Variants in PRKAR1A observed in about 807,000 individuals in gnomAD.
The protein encoded by PRKAR1A is cAMP-dependent protein kinase type I-alpha regulatory subunit.
In PRKAR1A, 3 loss-of-function variants were observed where a neutral mutation model predicts 52.0. The observed-to-expected ratio is 0.06, with a 90% CI of 0.03 to 0.15. The LOEUF (loss-of-function observed/expected upper bound fraction) is 0.15, where lower values mean the gene tolerates loss of function less well. PRKAR1A is among the 10% of genes least tolerant of loss of function. The probability of loss-of-function intolerance (pLI) is 1.00; values close to 1 mark genes in which losing one functional copy is unlikely to be tolerated. For missense variants in PRKAR1A, 240 were observed against 477.4 expected (o/e 0.50, Z 4.63); for synonymous variants, 188 against 168.4 (o/e 1.12, Z -0.90).
At chr17:68,500,840 A>G in the PRKAR1A span, among the ~76,000 whole-genome samples, 3 of 152,260 alleles carry the variant, frequency 2.0e-5, no homozygotes, top group East Asian at 5.8e-4. Flanking sequence ...TATCAGCAGC[A>G]TGAAAATGGA....
At chr17:68,524,789 TTG>T in intron 5 of PRKAR1A, 121 bp from the exon 6 acceptor site, 2 of 769,476 alleles carry the variant, frequency 2.6e-6, no homozygotes, top group Admixed American at 2.1e-5. Context: ...CCCTGAAAGA[TTG>T]TGTTAGTTTG....
downstream of PRKAR1A, among the ~76,000 whole-genome samples, chr17:68,538,147 G>A (rs2086150113): frequency 6.6e-6 from 1 of 152,196 alleles, no homozygotes; most frequent in Non-Finnish European, 1.5e-5. Flanking sequence ...AGTACTGCCA[G>A]CCTTTAAGTT....
intron 7 of PRKAR1A, 171 bp from the exon 8 acceptor site, chr17:68,527,669 C>T (rs2085833022): frequency 1.7e-6 from 1 of 587,416 alleles, no homozygotes; most frequent in South Asian, 2.0e-5. Flanking sequence ...TCATTCATTA[C>T]CTGTAAAATA....
the PRKAR1A span, among the ~76,000 whole-genome samples, chr17:68,445,109 G>A: frequency 7.2e-5 from 11 of 151,838 alleles, no homozygotes; most frequent in South Asian, 2.1e-4. Flanking sequence ...TAGTAGAGAC[G>A]GGGTTTCACC....
chr17:68,430,012 T>C, the PRKAR1A span: 2 of 1,614,152 alleles, frequency 1.2e-6, no homozygotes, highest in South Asian at 2.2e-5. Flanking sequence ...AGGGTACAGA[T>C]GTTCCTCTGT....
At chr17:68,527,351 G>T (rs770775518) in intron 7 of PRKAR1A, among the ~76,000 whole-genome samples, 1 of 152,162 alleles carries the variant, frequency 6.6e-6, no homozygotes, top group African/African-American at 2.4e-5. Flanking sequence ...TTAAATACCA[G>T]CGTTGAACAG....
At chr17:68,550,168 C>T (rs1405341721) in intron 11 of PRKAR1A, among the ~76,000 whole-genome samples, 3 of 152,020 alleles carry the variant, frequency 2.0e-5, no homozygotes, top group Non-Finnish European at 4.4e-5. Context: ...ACAACCAATT[C>T]CCCAAATTTT....
chr17:68,541,394 C>T (rs141776411), intron 11 of PRKAR1A: 26 of 219,308 alleles, frequency 1.2e-4, no homozygotes, highest in African/African-American at 4.8e-4. Flanking sequence ...CATTTTCATC[C>T]GAGGGCTCTT....
At chr17:68,435,720 T>C in the PRKAR1A span, 1 of 1,614,002 alleles carries the variant, frequency 6.2e-7, no homozygotes, top group Non-Finnish European at 8.5e-7. Context: ...TTTCTGTTGG[T>C]GAAAAGGAAA....
chr17:68,551,214 A>G, exon 12 of PRKAR1A: 1 of 1,015,748 alleles, frequency 9.8e-7, no homozygotes, highest in Non-Finnish European at 1.3e-6. Context: ...AGCTCTGTCT[A>G]AGGACTCAAT....
the PRKAR1A span, among the ~76,000 whole-genome samples, chr17:68,489,274 ATATATATATATATATGGAAAG>A: frequency 3.3e-4 from 11 of 33,672 alleles, 1 homozygote; most frequent in East Asian, 1.2e-3. Flanking sequence ...AAGTATATAT[ATATATATATATATATGGAAAG>A]TATATATATA....
At chr17:68,470,492 G>A in the PRKAR1A span, among the ~76,000 whole-genome samples, 1 of 152,206 alleles carries the variant, frequency 6.6e-6, no homozygotes, top group Non-Finnish European at 1.5e-5. Context: ...TATTAGTGGA[G>A]AGGAATATTT....
chr17:68,457,253 C>A, the PRKAR1A span: 1 of 1,466,772 alleles, frequency 6.8e-7, no homozygotes, highest in South Asian at 1.2e-5. Flanking sequence ...CGCCTCGAGG[C>A]GGAAGCCACA....
the PRKAR1A span, among the ~76,000 whole-genome samples, chr17:68,442,140 C>T: frequency 2.6e-5 from 4 of 152,108 alleles, no homozygotes; most frequent in Non-Finnish European, 4.4e-5. Flanking sequence ...TTCTGAACTA[C>T]AGAAAAACAA....
chr17:68,478,264 C>A, the PRKAR1A span, among the ~76,000 whole-genome samples: 25 of 152,034 alleles, frequency 1.6e-4, no homozygotes, highest in African/African-American at 5.6e-4. Context: ...CTATCCTGGC[C>A]AACATGGTGA....
At chr17:68,425,579 C>G in the PRKAR1A span, among the ~76,000 whole-genome samples, 1 of 152,050 alleles carries the variant, frequency 6.6e-6, no homozygotes, top group South Asian at 2.1e-4. Context: ...CCGGCCAGAG[C>G]TGCAGGTAAG....
chr17:68,430,142 C>A, the PRKAR1A span: 1 of 1,613,484 alleles, frequency 6.2e-7, no homozygotes, highest in Non-Finnish European at 8.5e-7. Flanking sequence ...CACTCCAGGT[C>A]GAAGGCTCTT....
the PRKAR1A span, among the ~76,000 whole-genome samples, chr17:68,498,192 A>G: frequency 3.9e-5 from 6 of 152,250 alleles, no homozygotes; most frequent in South Asian, 1.2e-3. Context: ...TTCTCTCCGT[A>G]ACGACCATGT....
chr17:68,527,942 C>T (rs755528405), intron 8 of PRKAR1A, 42 bp downstream of exon 8: 1 of 1,503,940 alleles, frequency 6.6e-7, no homozygotes, highest in Non-Finnish European at 9.3e-7. Context: ...ATGTGAGATA[C>T]CCCTGAATTA....
Sources: allele counts gnomAD v4.1 joint callset (sites outside exome capture counted in the v4.1 genomes callset), GRCh38; gene constraint gnomAD v4.1.1; transcripts MANE v1.5; gene names NCBI Gene and HGNC (gene_info 2026-07-23, HGNC 2026-07-21).